ADAM19: variants seen among roughly 807,000 people sequenced by gnomAD.
ADAM19 encodes the protein disintegrin and metalloproteinase domain-containing protein 19.
Under a neutral mutation model 114.7 loss-of-function variants are expected in ADAM19, and 65 were observed. The ratio of observed to expected loss-of-function variants is 0.57; its 90% CI spans 0.46 to 0.70. The LOEUF is 0.70. ADAM19 is among the 30% of genes least tolerant of loss of function. The probability of loss-of-function intolerance (pLI) is 0.00; values close to 1 mark genes in which losing one functional copy is unlikely to be tolerated. For missense variants in ADAM19, 1,063 were observed against 1,204.7 expected (o/e 0.88, Z 1.74); for synonymous variants, 466 against 460.5 (o/e 1.01, Z -0.15).
chr5:157,527,614 C>T (rs530387941), intron 5 of ADAM19, among the ~76,000 whole-genome samples: 86 of 152,294 alleles, frequency 5.6e-4, no homozygotes, highest in African/African-American at 2.0e-3. Flanking sequence ...CCCACCAGGA[C>T]CCTCCCTCAA....
At chr5:157,481,293 G>A in intron 22 of ADAM19, 1 of 572,090 alleles carries the variant, frequency 1.7e-6, no homozygotes, top group South Asian at 2.1e-5. Flanking sequence ...AATACAGCAT[G>A]GTCAGCCAGC....
intron 5 of ADAM19, 102 bp from the exon 6 acceptor site, chr5:157,520,133 T>A: frequency 8.4e-7 from 1 of 1,193,140 alleles, no homozygotes. Context: ...CATAGTGGGT[T>A]TTGATCATTG....
chr5:157,557,849 T>C (rs1757408368), intron 3 of ADAM19, among the ~76,000 whole-genome samples: 1 of 152,150 alleles, frequency 6.6e-6, no homozygotes, highest in Admixed American at 6.5e-5. Context: ...CACCTCCTAA[T>C]ACCATCACCT....
intron 4 of ADAM19, among the ~76,000 whole-genome samples, chr5:157,531,460 A>T (rs1756621310): frequency 2.6e-5 from 4 of 152,170 alleles, no homozygotes; most frequent in Admixed American, 6.5e-5. Flanking sequence ...TGAGGTCAGG[A>T]GTTCCAGACC....
chr5:157,485,735 T>C (rs915447847), intron 21 of ADAM19, among the ~76,000 whole-genome samples: 1 of 152,210 alleles, frequency 6.6e-6, no homozygotes, highest in Non-Finnish European at 1.5e-5. Context: ...AGCTCCTTCA[T>C]CACTTGCCCT....
chr5:157,486,722 CAA>C (rs1754945252), intron 21 of ADAM19, among the ~76,000 whole-genome samples: 2 of 152,004 alleles, frequency 1.3e-5, no homozygotes, highest in Admixed American at 1.3e-4. Flanking sequence ...CCTGTAACCC[CAA>C]GTCTCTACAC....
intron 3 of ADAM19, among the ~76,000 whole-genome samples, chr5:157,552,231 C>T (rs1757219692): frequency 6.6e-6 from 1 of 152,102 alleles, no homozygotes; most frequent in Non-Finnish European, 1.5e-5. Context: ...ATAATAAATG[C>T]TGGTGAGGAT....
chr5:157,523,234 C>A (rs1756354058), intron 5 of ADAM19, among the ~76,000 whole-genome samples: 1 of 152,146 alleles, frequency 6.6e-6, no homozygotes, highest in East Asian at 1.9e-4. Context: ...GAGTTCCAAG[C>A]CTAAGTGTCA....
intron 3 of ADAM19, among the ~76,000 whole-genome samples, chr5:157,552,799 G>C (rs547230577): frequency 6.8e-4 from 104 of 152,136 alleles, no homozygotes; most frequent in Non-Finnish European, 1.3e-3. Flanking sequence ...CTCTATCTGG[G>C]ATGAATGGAT....
At position 157,564,549 on chromosome 5, in the gene ADAM19, G is replaced by A. The variant is rs1398108143; in HGVS notation, c.181-106C>T. On this transcript the variant is annotated intron_variant, in intron 2 of 22. Coordinates refer to ENST00000257527, the MANE Select transcript of ADAM19 (RefSeq NM_033274.5). Reference sequence around the variant, plus strand: ...GCTCCAACATTGATCCACAGGAAGTGAATGAGCAAAGGTCAATTGCATTTC... The same window carrying A: ...GCTCCAACATTGATCCACAGGAAGTAAATGAGCAAAGGTCAATTGCATTTC... 4.2e-6 allele frequency: 4 copies of A among 957,204 alleles called. No homozygotes were observed. The East Asian group carries it at 9.6e-5, about 23-fold the overall frequency. The allele number at this position is 957,204 out of a possible 1,614,324, so 59.3% of individuals were successfully genotyped here.
At chr5:157,496,065 G>A (rs1025258357) in intron 14 of ADAM19, among the ~76,000 whole-genome samples, 2 of 148,888 alleles carry the variant, frequency 1.3e-5, no homozygotes, top group Non-Finnish European at 3.0e-5. Context: ...TCAGCCTCCT[G>A]AGTAGCTAGG....
At chr5:157,529,574 A>T (rs1018601237) in intron 5 of ADAM19, among the ~76,000 whole-genome samples, 38 of 152,174 alleles carry the variant, frequency 2.5e-4, no homozygotes, top group African/African-American at 9.2e-4. Flanking sequence ...GGAACCTGAG[A>T]TGCTGCATTT....
chr5:157,575,136 G>C (rs1757936837), intron 1 of ADAM19, among the ~76,000 whole-genome samples: 1 of 152,218 alleles, frequency 6.6e-6, no homozygotes, highest in Non-Finnish European at 1.5e-5. Flanking sequence ...CCCCACCAGT[G>C]TGGCAGGCAC....
chr5:157,491,520 C>T, intron 18 of ADAM19, 95 bp downstream of exon 18: 1 of 868,180 alleles, frequency 1.2e-6, no homozygotes, highest in Non-Finnish European at 1.7e-6. Flanking sequence ...GACAATGAAG[C>T]TGATTCAATG....
intron 14 of ADAM19, 112 bp downstream of exon 14, chr5:157,496,782 A>G: frequency 1.2e-6 from 1 of 867,960 alleles, no homozygotes. Flanking sequence ...TGAAAGAGGT[A>G]GTATCTAGAG....
chr5:157,563,933 T>C (rs911620723), intron 3 of ADAM19, among the ~76,000 whole-genome samples: 4 of 152,106 alleles, frequency 2.6e-5, no homozygotes, highest in Non-Finnish European at 2.9e-5. Flanking sequence ...CCAGAACACA[T>C]GGAACAATCT....
chr5:157,557,034 C>G (rs564100894), intron 3 of ADAM19, among the ~76,000 whole-genome samples: 1 of 152,288 alleles, frequency 6.6e-6, no homozygotes, highest in Admixed American at 6.5e-5. Flanking sequence ...GCATGTGCCA[C>G]CATGCCTGGC....
At chr5:157,489,850 G>A (rs1009823173) in intron 19 of ADAM19, among the ~76,000 whole-genome samples, 1 of 152,176 alleles carries the variant, frequency 6.6e-6, no homozygotes, top group African/African-American at 2.4e-5. Context: ...AGCTGGGTAT[G>A]GTGGCATGCA....
At chr5:157,491,025 A>C (rs1453904055) in intron 18 of ADAM19, among the ~76,000 whole-genome samples, 1 of 152,204 alleles carries the variant, frequency 6.6e-6, no homozygotes, top group African/African-American at 2.4e-5. Context: ...TAATGTAAAT[A>C]TAGAGAACGT....
Sources: allele counts gnomAD v4.1 joint callset (sites outside exome capture counted in the v4.1 genomes callset), GRCh38; gene constraint gnomAD v4.1.1; transcripts MANE v1.5; gene names NCBI Gene and HGNC (gene_info 2026-07-23, HGNC 2026-07-21).